The following SPIDR variants were observed in gnomAD, a reference collection of about 807,000 sequenced individuals.
SPIDR encodes the protein scaffold protein involved in DNA repair, also known as DNA repair-scaffolding protein.
Under a neutral mutation model 104.6 loss-of-function variants are expected in SPIDR, and 93 were observed. The observed-to-expected ratio is 0.89, with a 90% CI of 0.75 to 1.06. The LOEUF is 1.06. SPIDR is among the 50% of genes least tolerant of loss of function. The pLI is 0.00. For synonymous variants in SPIDR, 431 were observed against 416.9 expected (o/e 1.03, Z -0.41); for missense variants, 1,154 against 1,111.2 (o/e 1.04, Z -0.55).
intron 5 of SPIDR, among the ~76,000 whole-genome samples, chr8:47,321,704 G>A (rs1554595760): frequency 6.6e-6 from 1 of 152,140 alleles, no homozygotes; most frequent in African/African-American, 2.4e-5. Context: ...ATACTACAAG[G>A]CTGCAGTAAC....
intron 10 of SPIDR, among the ~76,000 whole-genome samples, chr8:47,611,877 T>A (rs1243628438): frequency 6.6e-6 from 1 of 152,034 alleles, no homozygotes; most frequent in Non-Finnish European, 1.5e-5. Flanking sequence ...AGGAAGGAAC[T>A]CATCATTTGA....
intron 7 of SPIDR, among the ~76,000 whole-genome samples, chr8:47,416,795 G>T (rs534856961): frequency 1.3e-5 from 2 of 151,974 alleles, no homozygotes; most frequent in African/African-American, 4.8e-5. Context: ...CCCACAACAG[G>T]CCCTGGTGTG....
chr8:47,414,563 G>T (rs781630800), intron 7 of SPIDR, among the ~76,000 whole-genome samples: 1 of 152,050 alleles, frequency 6.6e-6, no homozygotes, highest in Non-Finnish European at 1.5e-5. Context: ...TTCTTTCCAC[G>T]TGTCTTCCAT....
chr8:47,342,502 A>G (rs2050984745), intron 5 of SPIDR, among the ~76,000 whole-genome samples: 1 of 151,412 alleles, frequency 6.6e-6, no homozygotes, highest in Non-Finnish European at 1.5e-5. Flanking sequence ...ACACCCGGCT[A>G]ATTTTTGTAT....
intron 8 of SPIDR, among the ~76,000 whole-genome samples, chr8:47,440,944 T>C (rs1309319519): frequency 1.3e-5 from 2 of 152,242 alleles, no homozygotes; most frequent in South Asian, 2.1e-4. Context: ...AATTAAGATA[T>C]ACTAGTGTTT....
At chr8:47,311,547 A>C (rs1252028827) in intron 5 of SPIDR, among the ~76,000 whole-genome samples, 1 of 152,194 alleles carries the variant, frequency 6.6e-6, no homozygotes, top group Non-Finnish European at 1.5e-5. Context: ...GCCTAGTTGC[A>C]GTGGCTTATG....
intron 5 of SPIDR, among the ~76,000 whole-genome samples, chr8:47,385,659 T>C (rs532480420): frequency 6.6e-6 from 1 of 152,384 alleles, no homozygotes; most frequent in Admixed American, 6.5e-5. Flanking sequence ...GTAGTTTGTA[T>C]CACGTTTCCT....
intron 5 of SPIDR, among the ~76,000 whole-genome samples, chr8:47,335,734 C>T (rs965040870): frequency 1.3e-5 from 2 of 152,174 alleles, no homozygotes; most frequent in Admixed American, 6.5e-5. Flanking sequence ...CAGGCGTGAG[C>T]CACCATGCCC....
chr8:47,598,070 G>A (rs566887851), intron 9 of SPIDR, among the ~76,000 whole-genome samples: 31 of 152,286 alleles, frequency 2.0e-4, no homozygotes, highest in African/African-American at 6.5e-4. Context: ...GAAGACTCTC[G>A]AATCAATTTA....
At chr8:47,481,217 G>A (rs899478711) in intron 8 of SPIDR, among the ~76,000 whole-genome samples, 35 of 152,204 alleles carry the variant, frequency 2.3e-4, no homozygotes, top group African/African-American at 6.5e-4. Context: ...GTCTTTTCTC[G>A]TCATTACATT....
chr8:47,672,061 G>T (rs1020670270), intron 10 of SPIDR, among the ~76,000 whole-genome samples: 1 of 152,092 alleles, frequency 6.6e-6, no homozygotes, highest in Non-Finnish European at 1.5e-5. Flanking sequence ...GGGCTGAAGT[G>T]ATCCTCCCAC....
chr8:47,727,391 T>C, intron 17 of SPIDR, 98 bp downstream of exon 17: 2 of 1,096,308 alleles, frequency 1.8e-6, no homozygotes, highest in Admixed American at 4.0e-5. Flanking sequence ...GGTGACTCCC[T>C]CGAGAGCTCA....
chr8:47,480,528 A>G (rs1230250495), intron 8 of SPIDR, among the ~76,000 whole-genome samples: 1 of 152,178 alleles, frequency 6.6e-6, no homozygotes, highest in Non-Finnish European at 1.5e-5. Context: ...ATTCTGCACT[A>G]ATAGATAGTG....
At chr8:47,718,289 T>G (rs1437161389) in intron 16 of SPIDR, among the ~76,000 whole-genome samples, 1 of 152,194 alleles carries the variant, frequency 6.6e-6, no homozygotes, top group African/African-American at 2.4e-5. Context: ...TGTTCCCAAC[T>G]AAAAGCAAAG....
At chr8:47,735,127 T>C (rs973964067) in intron 19 of SPIDR, among the ~76,000 whole-genome samples, 180 bp from the exon 20 acceptor site, 1 of 150,598 alleles carries the variant, frequency 6.6e-6, no homozygotes, top group African/African-American at 2.4e-5. Context: ...TGTGTGTGTG[T>C]GTGTGTGTAG....
intron 11 of SPIDR, among the ~76,000 whole-genome samples, chr8:47,689,980 A>G (rs1196706657): frequency 1.3e-5 from 2 of 152,342 alleles, no homozygotes; most frequent in Non-Finnish European, 2.9e-5. Flanking sequence ...TGATGTGTGA[A>G]TTCAAGATAA....
At chr8:47,489,654 A>C (rs1379098506) in intron 8 of SPIDR, among the ~76,000 whole-genome samples, 1 of 152,212 alleles carries the variant, frequency 6.6e-6, no homozygotes, top group Admixed American at 6.5e-5. Context: ...CAAAACAGAG[A>C]TACAGACCAA....
In SPIDR at chr8:47,351,919, G is replaced by A. The variant is rs533121965; in HGVS notation, c.526-44457G>A. 2.8e-3 allele frequency among the ~76,000 whole-genome samples: 420 copies of A among 152,252 alleles called. 1 individual carries two copies. Among genetic ancestry groups the A allele is most frequent in the African/African-American group, 9.9e-3 (410 of 41,548 alleles). ...AAGCAATCCCCTATGCTTACTGAGG[G>A]ATAACTGTATATTATAATTTTGAAA... On this transcript the variant is annotated intron_variant, in intron 5 of 19. Coordinates refer to ENST00000297423, the MANE Select transcript of SPIDR (RefSeq NM_001080394.4).
chr8:47,330,867 C>T, intron 5 of SPIDR: 1 of 454,096 alleles, frequency 2.2e-6, no homozygotes, highest in Non-Finnish European at 4.4e-6. Context: ...TGAGTAGATA[C>T]CAAGCAGAGC....
Sources: gnomAD v4.1 joint callset for allele counts (sites outside exome capture counted in the v4.1 genomes callset) on GRCh38, gnomAD v4.1.1 for gene constraint, MANE v1.5 for transcripts, NCBI Gene and HGNC (gene_info 2026-07-23, HGNC 2026-07-21) for gene names.